ZFP2: variants seen among roughly 807,000 people sequenced by gnomAD.
ZFP2 encodes zinc finger protein ZFP2.
ZFP2 carries 33 observed loss-of-function variants against 36.1 expected under a neutral mutation model. That is an observed-to-expected ratio of 0.92 (90% CI 0.69 to 1.22). The LOEUF is 1.22. ZFP2 is among the 50% of genes most tolerant of loss of function. The pLI is 0.00. For synonymous variants in ZFP2, 170 were observed against 178.0 expected, an observed-to-expected ratio of 0.96 and a Z score of 0.36; for missense variants, 522 against 551.4, an observed-to-expected ratio of 0.95 and a Z score of 0.53.
At chr5:178,931,066 T>A (rs894526268) in intron 4 of ZFP2, among the ~76,000 whole-genome samples, 171 bp from the exon 5 acceptor site, 6 of 152,210 alleles carry the variant, frequency 3.9e-5, no homozygotes, top group African/African-American at 1.4e-4. Flanking sequence ...CTGTTGTTTC[T>A]CTCCCTTCCT....
At chr5:178,926,433 T>C (rs1010451733) in intron 4 of ZFP2, among the ~76,000 whole-genome samples, 1 of 152,214 alleles carries the variant, frequency 6.6e-6, no homozygotes, top group Non-Finnish European at 1.5e-5. Context: ...ACCTTAAATG[T>C]TCCCAAAGAA....
At chr5:178,907,459 C>T (rs1347862771) in intron 1 of ZFP2, among the ~76,000 whole-genome samples, 1 of 151,534 alleles carries the variant, frequency 6.6e-6, no homozygotes, top group Non-Finnish European at 1.5e-5. Flanking sequence ...CTGACTTTAA[C>T]AAAAAGTTGA....
At chr5:178,900,515 T>C (rs1758034551) in intron 1 of ZFP2, among the ~76,000 whole-genome samples, 2 of 48,446 alleles carry the variant, frequency 4.1e-5, no homozygotes, top group African/African-American at 9.2e-5. Context: ...CCACTTCTAC[T>C]CCACGTCCCC....
At chr5:178,913,144 C>A in intron 3 of ZFP2, 73 bp downstream of exon 3, 1 of 867,704 alleles carries the variant, frequency 1.2e-6, no homozygotes, top group Non-Finnish European at 1.4e-6. Flanking sequence ...ATTGTTGGGT[C>A]TCTGGAGAGA....
At chr5:178,923,767 G>A (rs1364377127) in intron 4 of ZFP2, among the ~76,000 whole-genome samples, 1 of 142,568 alleles carries the variant, frequency 7.0e-6, no homozygotes, top group African/African-American at 2.5e-5. Context: ...TTTTTCTTTC[G>A]TAAGCATCAA....
At chr5:178,910,096 C>A in intron 1 of ZFP2, 1 of 1,470,406 alleles carries the variant, frequency 6.8e-7, no homozygotes. Context: ...AATTTATTCT[C>A]CTGTTTGGCT....
At chr5:178,901,886 C>T (rs776126802) in intron 1 of ZFP2, among the ~76,000 whole-genome samples, 6 of 152,128 alleles carry the variant, frequency 3.9e-5, no homozygotes, top group Middle Eastern at 3.4e-3. Flanking sequence ...GTAATCCCAG[C>T]ACTTTGGGAG....
intron 4 of ZFP2, among the ~76,000 whole-genome samples, chr5:178,925,650 A>G (rs1480087252): frequency 6.7e-6 from 1 of 148,846 alleles, no homozygotes; most frequent in Admixed American, 6.8e-5. Flanking sequence ...GTTACTGTTG[A>G]GATTGGGCAT....
chr5:178,920,976 C>T (rs1016610389), intron 4 of ZFP2, among the ~76,000 whole-genome samples: 1 of 152,146 alleles, frequency 6.6e-6, no homozygotes. Flanking sequence ...TCTGTGTTAG[C>T]AGGCAGTCAA....
intron 4 of ZFP2, among the ~76,000 whole-genome samples, chr5:178,920,636 CAAAA>C (rs373794810): frequency 8.4e-6 from 1 of 118,478 alleles, no homozygotes; most frequent in Non-Finnish European, 1.8e-5. Flanking sequence ...GACTTCGTCT[CAAAA>C]AAAAAAAAAA....
At chr5:178,905,066 C>T (rs139633584) in intron 1 of ZFP2, among the ~76,000 whole-genome samples, 1 of 152,128 alleles carries the variant, frequency 6.6e-6, no homozygotes, top group South Asian at 2.1e-4. Context: ...TTACTGTTCT[C>T]GTATATTTAT....
At chr5:178,931,159 C>G in intron 4 of ZFP2, 78 bp from the exon 5 acceptor site, 1 of 1,385,100 alleles carries the variant, frequency 7.2e-7, no homozygotes, top group South Asian at 1.7e-5. Context: ...TAGTTTAATT[C>G]TCTCATTCCT....
Position 178,912,663 on chromosome 5 carries a change from G to A in ZFP2, c.-370G>A. The A allele has an allele frequency of 9.4e-7, 1 of 1,061,860 alleles. No homozygotes were observed. The highest frequency in any genetic ancestry group is 1.2e-6 in the Non-Finnish European group (1 of 862,876). The allele number at this position is 1,061,860 out of a possible 1,614,324, so 65.8% of individuals were successfully genotyped here. A position where few individuals can be genotyped will look rare whatever the true frequency, so the allele number is the denominator to read the frequency against. ...TGGATTCAAGCAGATTCTGCTCAGAGGATGACCGTGTATGGGGAGGTGATG... is the reference window on the plus strand; with the variant it reads ...TGGATTCAAGCAGATTCTGCTCAGAAGATGACCGTGTATGGGGAGGTGATG... On this transcript the variant is annotated 5_prime_UTR_variant, in exon 2 of 5. Transcript: ENST00000361362.
intron 3 of ZFP2, among the ~76,000 whole-genome samples, chr5:178,916,331 CTT>C (rs1260702989): frequency 6.6e-6 from 1 of 152,160 alleles, no homozygotes; most frequent in Non-Finnish European, 1.5e-5. Context: ...CAAGTGAAGA[CTT>C]TTAAGTACAG....
chr5:178,919,318 T>A (rs1758504774), intron 4 of ZFP2, among the ~76,000 whole-genome samples: 1 of 152,226 alleles, frequency 6.6e-6, no homozygotes. Flanking sequence ...TTCTTCGTGC[T>A]AGTTATACTC....
chr5:178,916,539 C>T, intron 3 of ZFP2, 26 bp from the exon 4 acceptor site: 1 of 985,374 alleles, frequency 1.0e-6, no homozygotes, highest in East Asian at 1.1e-4. Flanking sequence ...TGATGATTTG[C>T]AAACTCCAGA....
chr5:178,918,986 GAC>G (rs1484722759), intron 4 of ZFP2, among the ~76,000 whole-genome samples: 1 of 152,142 alleles, frequency 6.6e-6, no homozygotes, highest in African/African-American at 2.4e-5. Context: ...TTTGTAGGTA[GAC>G]AGTTATATAA....
rs979892133 is a variant in ZFP2, at chr5:178,918,622, A to G, written c.-78+1912A>G. ...AGAGTTATATAAATCCTATAAGTTA[A>G]CGAGTGAAGGCAGAAAAAGCATTCC... On this transcript the variant is annotated intron_variant, in intron 4 of 4. Coordinates refer to ENST00000361362, the MANE Select transcript of ZFP2 (RefSeq NM_030613.4). Among the ~76,000 whole-genome samples the G allele has an allele frequency of 4.6e-5, 7 of 152,166 alleles. No individual in the cohort carries two copies. The East Asian group carries it at 1.3e-3, about 29-fold the overall frequency.
chr5:178,898,706 C>G (rs893780103), intron 1 of ZFP2, among the ~76,000 whole-genome samples: 1 of 152,192 alleles, frequency 6.6e-6, no homozygotes, highest in Non-Finnish European at 1.5e-5. Flanking sequence ...CAAACCTCCC[C>G]CTTCCTCCTG....
Sources: allele counts gnomAD v4.1 joint callset (sites outside exome capture counted in the v4.1 genomes callset), GRCh38; gene constraint gnomAD v4.1.1; transcripts MANE v1.5; gene names NCBI Gene and HGNC (gene_info 2026-07-23, HGNC 2026-07-21).